The following CSMD1 variants were observed in gnomAD, a reference collection of about 807,000 sequenced individuals.
CSMD1 encodes CUB and sushi domain-containing protein 1.
CSMD1 carries 213 observed loss-of-function variants against 417.5 expected under a neutral mutation model. The ratio of observed to expected loss-of-function variants is 0.51; its 90% CI spans 0.46 to 0.57. The LOEUF is 0.57. CSMD1 is among the 20% of genes least tolerant of loss of function. CSMD1 has a pLI of 0.00. For synonymous variants in CSMD1, 2,862 were observed against 1,736.8 expected (o/e 1.65, Z -16.11); for missense variants, 6,923 against 4,529.7 (o/e 1.53, Z -15.17).
intron 1 of CSMD1, among the ~76,000 whole-genome samples, chr8:4,865,807 G>A (rs1802394128): frequency 6.6e-6 from 1 of 151,686 alleles, no homozygotes. Flanking sequence ...TTTTTTAAAA[G>A]GTCCTCCTTT....
chr8:4,413,967 A>C (rs150091604), intron 3 of CSMD1, among the ~76,000 whole-genome samples: 113 of 152,284 alleles, frequency 7.4e-4, no homozygotes, highest in South Asian at 6.6e-3. Flanking sequence ...AATTGTTATA[A>C]ATCTACAACA....
chr8:3,956,581 C>G (rs550040450), intron 5 of CSMD1, among the ~76,000 whole-genome samples: 3 of 152,162 alleles, frequency 2.0e-5, no homozygotes, highest in South Asian at 4.2e-4. Flanking sequence ...AATACTGTGC[C>G]CCATGTTTTG....
intron 1 of CSMD1, among the ~76,000 whole-genome samples, chr8:4,986,703 G>A (rs1389174869): frequency 6.6e-6 from 1 of 151,982 alleles, no homozygotes; most frequent in East Asian, 1.9e-4. Flanking sequence ...TTGAATCTCT[G>A]TTTTGTTGTA....
chr8:3,272,469 A>C (rs1315317097), intron 26 of CSMD1, among the ~76,000 whole-genome samples: 19 of 149,174 alleles, frequency 1.3e-4, no homozygotes, highest in African/African-American at 4.7e-4. Context: ...TCTGGGAAGA[A>C]AGTCATTGGT....
At chr8:4,164,188 G>A (rs1371510209) in intron 3 of CSMD1, among the ~76,000 whole-genome samples, 1 of 109,634 alleles carries the variant, frequency 9.1e-6, no homozygotes, top group East Asian at 3.5e-4. Flanking sequence ...AATTAATACA[G>A]GATTTTTGGA....
At chr8:4,332,346 A>C (rs1799913088) in intron 3 of CSMD1, among the ~76,000 whole-genome samples, 1 of 152,090 alleles carries the variant, frequency 6.6e-6, no homozygotes, top group Non-Finnish European at 1.5e-5. Flanking sequence ...AAACGCTGAA[A>C]AAGGAAGACA....
intron 57 of CSMD1, among the ~76,000 whole-genome samples, chr8:2,967,709 T>G (rs1804092915): frequency 6.6e-6 from 1 of 152,188 alleles, no homozygotes; most frequent in Non-Finnish European, 1.5e-5. Flanking sequence ...TTAAAAATAC[T>G]TTTGCACATT....
chr8:4,722,530 C>T (rs867285658), intron 1 of CSMD1, among the ~76,000 whole-genome samples: 1 of 151,972 alleles, frequency 6.6e-6, no homozygotes, highest in Non-Finnish European at 1.5e-5. Context: ...CAGGAGTATG[C>T]TCTGAATGGG....
At chr8:3,379,915 G>A (rs1810530482) in intron 18 of CSMD1, among the ~76,000 whole-genome samples, 1 of 152,132 alleles carries the variant, frequency 6.6e-6, no homozygotes, top group South Asian at 2.1e-4. Context: ...TAATTAAAGA[G>A]CTTCTGCACT....
intron 4 of CSMD1, among the ~76,000 whole-genome samples, chr8:4,020,592 C>A (rs1335307905): frequency 6.6e-6 from 1 of 152,170 alleles, no homozygotes; most frequent in Non-Finnish European, 1.5e-5. Context: ...CTCCAATTCT[C>A]TTATGGTAAG....
intron 4 of CSMD1, among the ~76,000 whole-genome samples, chr8:4,021,873 C>T (rs557481827): frequency 1.4e-4 from 21 of 152,100 alleles, no homozygotes; most frequent in African/African-American, 5.1e-4. Context: ...TGCCATCCCC[C>T]TCTCTAGCTT....
intron 23 of CSMD1, among the ~76,000 whole-genome samples, chr8:3,338,700 T>C (rs899420475): frequency 6.6e-6 from 1 of 152,168 alleles, no homozygotes; most frequent in Non-Finnish European, 1.5e-5. Context: ...GGACTGTAAC[T>C]TTCCAGAGAA....
chr8:4,749,044 G>A (rs1811139817), intron 1 of CSMD1, among the ~76,000 whole-genome samples: 1 of 146,146 alleles, frequency 6.8e-6, no homozygotes, highest in African/African-American at 2.7e-5. Context: ...CTGTGTGTGT[G>A]TGCCTGTGTG....
At position 4,552,656 on chromosome 8, in the gene CSMD1, C is replaced by G. The variant is rs140678457; in HGVS notation, c.302+84686G>C. ...AAATGAAAGCTGTTTTCTGAGGTAC[C>G]AAGCCTAGCAATCGATCTTAATGAG... On this transcript the variant is annotated intron_variant, in intron 2 of 69. Transcript: ENST00000635120. Among the ~76,000 whole-genome samples the G allele has an allele frequency of 4.0e-3, 615 of 152,148 alleles. 1 individual carries two copies. The highest frequency in any genetic ancestry group is 5.3e-3 in the Non-Finnish European group (363 of 68,000).
chr8:3,540,932 G>C (rs1039162932), intron 10 of CSMD1, among the ~76,000 whole-genome samples: 1 of 152,222 alleles, frequency 6.6e-6, no homozygotes, highest in African/African-American at 2.4e-5. Flanking sequence ...CTGTTGGTGG[G>C]AATGTAACTT....
chr8:3,927,296 A>G (rs1014547372), intron 5 of CSMD1, among the ~76,000 whole-genome samples: 2 of 152,012 alleles, frequency 1.3e-5, no homozygotes, highest in African/African-American at 4.8e-5. Context: ...AAGGTGCCAG[A>G]CAGCATGAAA....
At chr8:4,536,073 G>A (rs1319042737) in intron 2 of CSMD1, among the ~76,000 whole-genome samples, 6 of 152,054 alleles carry the variant, frequency 3.9e-5, no homozygotes, top group South Asian at 2.1e-4. Flanking sequence ...TTCATAGGGC[G>A]TGCCCCACTA....
intron 54 of CSMD1, among the ~76,000 whole-genome samples, chr8:2,996,628 C>G (rs1585115401): frequency 6.6e-6 from 1 of 152,206 alleles, no homozygotes; most frequent in South Asian, 2.1e-4. Context: ...CTGCTCCATA[C>G]TTCCTAAAAC....
intron 27 of CSMD1, among the ~76,000 whole-genome samples, chr8:3,226,763 G>C (rs1332188673): frequency 6.6e-6 from 1 of 152,030 alleles, no homozygotes; most frequent in East Asian, 1.9e-4. Context: ...GCAATGGCAG[G>C]TGTTGAAAAT....
Sources: gnomAD v4.1 joint callset for allele counts (sites outside exome capture counted in the v4.1 genomes callset) on GRCh38, gnomAD v4.1.1 for gene constraint, MANE v1.5 for transcripts, NCBI Gene and HGNC (gene_info 2026-07-23, HGNC 2026-07-21) for gene names.